CDH23: variants seen among roughly 807,000 people sequenced by gnomAD.
CDH23 encodes the protein cadherin-23.
A neutral mutation model predicts 317.1 loss-of-function variants in CDH23; 189 were observed. The ratio of observed to expected loss-of-function variants is 0.60; its 90% confidence interval spans 0.53 to 0.67. The LOEUF (loss-of-function observed/expected upper bound fraction) is 0.67, where lower values mean the gene tolerates loss of function less well. Ranked by LOEUF, CDH23 falls within the 30% of genes least tolerant of loss-of-function variation. The probability of loss-of-function intolerance (pLI) is 0.00; values close to 1 mark genes in which losing one functional copy is unlikely to be tolerated. For missense variants in CDH23, 4,401 were observed against 4,592.4 expected (o/e 0.96, Z 1.20); for synonymous variants, 1,839 against 1,876.8 (o/e 0.98, Z 0.52).
At chr10:71,557,011 C>T (rs141577078) in intron 6 of CDH23, among the ~76,000 whole-genome samples, 1 of 152,292 alleles carries the variant, frequency 6.6e-6, no homozygotes, top group Non-Finnish European at 1.5e-5. Flanking sequence ...CCTACACAAA[C>T]ATCCTACTCA....
intron 14 of CDH23, among the ~76,000 whole-genome samples, chr10:71,658,145 T>C (rs1027258704): frequency 6.6e-5 from 10 of 152,208 alleles, no homozygotes; most frequent in Non-Finnish European, 1.5e-4. Flanking sequence ...CCGGAGTTCC[T>C]CTGTCAGGCC....
At chr10:71,722,066 T>C (rs1041032185) in intron 28 of CDH23, among the ~76,000 whole-genome samples, 3 of 152,220 alleles carry the variant, frequency 2.0e-5, no homozygotes, top group African/African-American at 7.2e-5. Flanking sequence ...CCCCATCTTC[T>C]CTGCAGTTTT....
intron 3 of CDH23, among the ~76,000 whole-genome samples, chr10:71,503,095 A>G (rs114573273): frequency 0.017 from 2,610 of 152,258 alleles, 60 homozygotes; most frequent in African/African-American, 0.054. Flanking sequence ...GTGATTGTCC[A>G]CCCCTTGCCT....
intron 15 of CDH23, among the ~76,000 whole-genome samples, chr10:71,676,657 G>C (rs921551997): frequency 2.6e-5 from 4 of 152,176 alleles, no homozygotes; most frequent in Admixed American, 6.5e-5. Context: ...ATTGTTAGGG[G>C]CATCTGTCCA....
chr10:71,515,394 T>TCTCTCTCTCTCTCTCTCTCTCTCACACA (rs1491490493), intron 6 of CDH23, among the ~76,000 whole-genome samples: 25 of 26,668 alleles, frequency 9.4e-4, no homozygotes, highest in African/African-American at 2.1e-3. Context: ...TCTCTCTCTC[T>TCTCTCTCTCTCTCTCTCTCTCTCACACA]CACACACACA....
chr10:71,812,894 A>G lies in CDH23; in HGVS notation c.9633+4A>G. The G allele has an allele frequency of 6.2e-7, 1 of 1,613,214 alleles. No individual in the cohort carries two copies. Among genetic ancestry groups the G allele is most frequent in the South Asian group, 1.1e-5 (1 of 90,856 alleles). ...CATTCGTGAGGGGCCAATCAAGGTG[A>G]GCCTTCCCTGCAGGCTCCGCGCCCA... On this transcript the variant is annotated splice_donor_region_variant and intron_variant, in intron 68 of 69. Coordinates refer to ENST00000224721, the MANE Select transcript of CDH23 (RefSeq NM_022124.6).
At chr10:71,421,640 G>A (rs1345972960) in intron 1 of CDH23, among the ~76,000 whole-genome samples, 1 of 152,096 alleles carries the variant, frequency 6.6e-6, no homozygotes, top group Non-Finnish European at 1.5e-5. Context: ...CCTGCAATTT[G>A]TTATTTTTAA....
chr10:71,564,513 T>C (rs1018430763), intron 6 of CDH23, among the ~76,000 whole-genome samples: 2 of 152,250 alleles, frequency 1.3e-5, no homozygotes, highest in Non-Finnish European at 1.5e-5. Flanking sequence ...ATCACTTCTT[T>C]TTCCCCTTTT....
intron 14 of CDH23, among the ~76,000 whole-genome samples, chr10:71,666,708 A>G (rs11819553): frequency 0.18 from 26,761 of 151,968 alleles, 2,413 homozygotes; most frequent in South Asian, 0.2. Context: ...TATGGGAGGG[A>G]AGGAAAAAGG....
chr10:71,529,455 C>T (rs545967225), intron 6 of CDH23, among the ~76,000 whole-genome samples: 19 of 152,236 alleles, frequency 1.2e-4, no homozygotes, highest in East Asian at 1.2e-3. Flanking sequence ...TATCCTGGAG[C>T]GGGGTGGCCT....
chr10:71,586,014 C>T (rs907999478), intron 9 of CDH23, among the ~76,000 whole-genome samples: 1 of 152,202 alleles, frequency 6.6e-6, no homozygotes, highest in Non-Finnish European at 1.5e-5. Context: ...CTGTCCCTTG[C>T]TCGGGACATA....
At chr10:71,507,766 A>G (rs1853726123) in intron 3 of CDH23, among the ~76,000 whole-genome samples, 1 of 152,174 alleles carries the variant, frequency 6.6e-6, no homozygotes, top group South Asian at 2.1e-4. Context: ...TAAAACATTT[A>G]TTTGTCACCG....
chr10:71,649,501 A>G (rs1863063480), intron 14 of CDH23, among the ~76,000 whole-genome samples: 1 of 152,180 alleles, frequency 6.6e-6, no homozygotes, highest in South Asian at 2.1e-4. Context: ...GGAAGCTGGA[A>G]TAGGAAGGGC....
In CDH23 at chr10:71,784,933, C is replaced by G; in HGVS notation, c.5545C>G (p.Pro1849Ala). The change falls in exon 43 of 70, where the codon CCT becomes GCT. Residue 1849 changes from proline (P) to alanine (A), a missense_variant. Around this residue, in one of 3 missense-constraint regions of CDH23, gnomAD observed 3,068 missense variants for 3,203.3 expected, o/e 0.96. Coordinates refer to ENST00000224721, the MANE Select transcript of CDH23 (RefSeq NM_022124.6). The part of the protein sequence containing the change: ...IRVLDINDND[P>A]VLLNLPMNIT... ...GGTGCTGGACATCAACGACAACGAC[C>G]CTGTGCTGCTGAACCTGCCCATGAA... 1 of 1,614,070 alleles carries G rather than the reference C, an allele frequency of 6.2e-7. No individual in the cohort carries two copies.
intron 3 of CDH23, among the ~76,000 whole-genome samples, chr10:71,489,099 T>C (rs115074919): frequency 0.018 from 2,741 of 152,374 alleles, 65 homozygotes; most frequent in African/African-American, 0.056. Flanking sequence ...CTGGATTTCA[T>C]TTGTCTTCTT....
At chr10:71,482,534 C>T (rs1852123876) in intron 3 of CDH23, among the ~76,000 whole-genome samples, 1 of 152,168 alleles carries the variant, frequency 6.6e-6, no homozygotes, top group Non-Finnish European at 1.5e-5. Flanking sequence ...GGGGACAGGC[C>T]CCATAGGAAT....
At chr10:71,551,731 C>A (rs17708615) in intron 6 of CDH23, among the ~76,000 whole-genome samples, 3 of 152,230 alleles carry the variant, frequency 2.0e-5, no homozygotes, top group Non-Finnish European at 4.4e-5. Context: ...CCCCAAGGAC[C>A]CTCAGGACCT....
chr10:71,538,794 C>G (rs1165274374), intron 6 of CDH23, among the ~76,000 whole-genome samples: 1 of 152,078 alleles, frequency 6.6e-6, no homozygotes, highest in African/African-American at 2.4e-5. Flanking sequence ...TTTTGCCTGC[C>G]CTACTCTACT....
At chr10:71,580,488 G>T (rs1409963968) in intron 9 of CDH23, among the ~76,000 whole-genome samples, 1 of 152,210 alleles carries the variant, frequency 6.6e-6, no homozygotes, top group Non-Finnish European at 1.5e-5. Context: ...CTTTTAGAAA[G>T]GATGACAAAT....
Sources: allele counts gnomAD v4.1 joint callset (sites outside exome capture counted in the v4.1 genomes callset), GRCh38; gene constraint gnomAD v4.1.1; regional missense constraint gnomAD v4.1.1; transcripts MANE v1.5; gene names NCBI Gene and HGNC (gene_info 2026-07-23, HGNC 2026-07-21).